UBAP2: variants seen among roughly 807,000 people sequenced by gnomAD.
The protein encoded by UBAP2 is ubiquitin associated protein 2, also known as ubiquitin-associated protein 2.
In UBAP2, 75 loss-of-function variants were observed where a neutral mutation model predicts 139.6. The ratio of observed to expected loss-of-function variants is 0.54; its 90% CI spans 0.45 to 0.65. UBAP2 has a LOEUF of 0.65. UBAP2 is among the 30% of genes least tolerant of loss of function. The pLI is 0.00. For missense variants in UBAP2, 1,368 were observed against 1,369.6 expected, an observed-to-expected ratio of 1.00 and a Z score of 0.02; for synonymous variants, 526 against 526.2, an observed-to-expected ratio of 1.00 and a Z score of 0.01.
At chr9:34,046,924 G>A (rs1444609879) in intron 1 of UBAP2, among the ~76,000 whole-genome samples, 1 of 152,156 alleles carries the variant, frequency 6.6e-6, no homozygotes, top group Non-Finnish European at 1.5e-5. Flanking sequence ...AACCAGGAAA[G>A]GGAAGCAGAG....
At position 33,981,117 on chromosome 9, in the gene UBAP2, TATATATATATATATATATA is replaced by T. The variant is rs1437798117; in HGVS notation, c.520+5624_520+5642del. ...TATATATTCTGGATATATATATATA[TATATATATATATATATATA>T]TTCTGGATATATATATATATATTCT... On this transcript the variant is annotated intron_variant, in intron 6 of 28. Coordinates refer to ENST00000379238, the MANE Select transcript of UBAP2 (RefSeq NM_001370062.2). 2.4e-3 allele frequency among the ~76,000 whole-genome samples: 21 copies of T among 8,586 alleles called. 8 individuals carry two copies. Among genetic ancestry groups the T allele is most frequent in the Non-Finnish European group, 4.6e-3 (16 of 3,450 alleles). The allele number at this position is 8,586 out of a possible 152,430, so 5.6% of individuals were successfully genotyped here. A position where few individuals can be genotyped will look rare whatever the true frequency, so the allele number is the denominator to read the frequency against.
intron 8 of UBAP2, among the ~76,000 whole-genome samples, chr9:33,968,759 G>A (rs1827669315): frequency 6.6e-6 from 1 of 151,932 alleles, no homozygotes; most frequent in Non-Finnish European, 1.5e-5. Context: ...TTCACAATTT[G>A]TGCAATCATC....
chr9:33,948,473 T>C lies in UBAP2; in HGVS notation c.1171A>G (p.Thr391Ala), dbSNP rs1811761529. Residue 391 changes from threonine to alanine, a missense_variant, in exon 13 of 29, where the codon ACC becomes GCC. Thr to Ala is a moderately conservative substitution (Grantham distance 58). Coordinates refer to ENST00000379238, the MANE Select transcript of UBAP2 (RefSeq NM_001370062.2). ...GTACTATTCTGCTGTGTACTTGGGG[T>C]GGTGGTAAACTGGCCCAAACTCGGA... ...KAPSLGQFTT[T>A]PSTQQNSTSH... 1 of 1,613,836 alleles carries C rather than the reference T, an allele frequency of 6.2e-7. No individual in the cohort carries two copies.
chr9:34,003,803 T>A (rs190554722), intron 2 of UBAP2, among the ~76,000 whole-genome samples: 280 of 152,178 alleles, frequency 1.8e-3, no homozygotes, highest in African/African-American at 6.6e-3. Context: ...TACTGCAACC[T>A]CCACTTCCCA....
rs1003763006 is a variant in UBAP2, at chr9:33,936,770, T to G, written c.1930-892A>C. ...TATGCCAGTAAATTAACAACTTAGA[T>G]GAAATGGACAAATTCCTTGACATAC... On this transcript the variant is annotated intron_variant, in intron 16 of 28. Transcript: ENST00000379238. Among the ~76,000 whole-genome samples, 2 of 151,954 alleles carry G rather than the reference T, an allele frequency of 1.3e-5. 1 individual carries two copies. Among genetic ancestry groups the G allele is most frequent in the Admixed American group, 1.3e-4 (2 of 15,228 alleles).
At chr9:33,962,462 A>G (rs377498874) in intron 9 of UBAP2, among the ~76,000 whole-genome samples, 2 of 151,938 alleles carry the variant, frequency 1.3e-5, no homozygotes. Flanking sequence ...CCTGGTCAAT[A>G]TGATGAAACC....
In UBAP2 at chr9:33,996,100, TA is replaced by T; in HGVS notation, c.288+122del. On this transcript the variant is annotated intron_variant, in intron 4 of 28. Coordinates refer to ENST00000379238, the MANE Select transcript of UBAP2 (RefSeq NM_001370062.2). Reference sequence around the variant, plus strand: ...TCAGGTAATCGTTCTTTCTGGAACTTAAAACAAATATGGAATGGCACCATAA... The same window carrying T: ...TCAGGTAATCGTTCTTTCTGGAACTTAAACAAATATGGAATGGCACCATAA... 4.4e-6 allele frequency: 3 copies of T among 679,050 alleles called. No individual in the cohort carries two copies. The South Asian group carries it at 6.1e-5, about 14-fold the overall frequency. The allele number at this position is 679,050 out of a possible 1,614,324, so 42.1% of individuals were successfully genotyped here.
intron 2 of UBAP2, among the ~76,000 whole-genome samples, chr9:34,016,189 GAAT>G (rs1482264353): frequency 8.0e-5 from 5 of 62,190 alleles, no homozygotes; most frequent in Non-Finnish European, 1.4e-4. Context: ...GGAAGAGGAG[GAAT>G]AGAAGGAAGA....
intron 1 of UBAP2, among the ~76,000 whole-genome samples, chr9:34,022,169 CAGG>C (rs1564067475): frequency 2.6e-5 from 4 of 151,786 alleles, no homozygotes; most frequent in African/African-American, 4.8e-5. Flanking sequence ...CGCTTGAAGC[CAGG>C]AGGAGGAGGT....
rs535244482 is a variant in UBAP2, at chr9:33,923,487, G to A, written c.2797-9C>T. On this transcript the variant is annotated splice_polypyrimidine_tract_variant and intron_variant, in intron 24 of 28. Coordinates refer to ENST00000379238, the MANE Select transcript of UBAP2 (RefSeq NM_001370062.2). ...GCTGAGGCTGGAGGGACCTGGGGGG[G>A]CAAGCAGATGAGGTATTAGTGTAGG... The A allele has an allele frequency of 2.3e-5, 37 of 1,613,508 alleles. No individual in the cohort carries two copies. In the African/African-American group the frequency reaches 3.2e-4, roughly 14 times the overall value.
chr9:34,008,251 A>T (rs1823409152), intron 2 of UBAP2, among the ~76,000 whole-genome samples: 1 of 151,654 alleles, frequency 6.6e-6, no homozygotes, highest in Non-Finnish European at 1.5e-5. Context: ...CCAAGAGGCG[A>T]AGGTTGCGGT....
At chr9:33,931,037 C>T (rs1347529388) in intron 19 of UBAP2, among the ~76,000 whole-genome samples, 1 of 151,998 alleles carries the variant, frequency 6.6e-6, no homozygotes, top group African/African-American at 2.4e-5. Flanking sequence ...AAAAACTTTT[C>T]ATTGTCTATC....
At chr9:34,004,556 G>A (rs1823011337) in intron 2 of UBAP2, among the ~76,000 whole-genome samples, 1 of 152,092 alleles carries the variant, frequency 6.6e-6, no homozygotes, top group Admixed American at 6.6e-5. Context: ...GCCAAGGCGG[G>A]TGGATCACGA....
At chr9:33,975,029 C>T (rs1030465349) in intron 6 of UBAP2, among the ~76,000 whole-genome samples, 7 of 152,242 alleles carry the variant, frequency 4.6e-5, no homozygotes, top group African/African-American at 9.6e-5. Context: ...TTAAAAGATA[C>T]TCAGTATTGC....
intron 4 of UBAP2, chr9:33,995,360 AATAAATAAATAT>A (rs1822066559): frequency 6.9e-6 from 1 of 144,046 alleles, no homozygotes; most frequent in Non-Finnish European, 1.5e-5. Context: ...GTCTCAAAAA[AATAAATAAATAT>A]ATAAATATAT....
At chr9:34,035,514 A>AAAAAAAAAAAATATATATATATAT in intron 1 of UBAP2, among the ~76,000 whole-genome samples, 1 of 22,492 alleles carries the variant, frequency 4.4e-5, no homozygotes, top group Non-Finnish European at 9.8e-5. Context: ...AAAAAAAAAA[A>AAAAAAAAAAAATATATATATATAT]ATATATATAT....
At chr9:33,991,528 T>C (rs931531184) in intron 4 of UBAP2, among the ~76,000 whole-genome samples, 2 of 152,122 alleles carry the variant, frequency 1.3e-5, no homozygotes, top group African/African-American at 2.4e-5. Context: ...AAACAGCATA[T>C]AGAATTACAT....
At chr9:33,967,595 A>C (rs1827568880) in intron 8 of UBAP2, among the ~76,000 whole-genome samples, 1 of 152,196 alleles carries the variant, frequency 6.6e-6, no homozygotes, top group African/African-American at 2.4e-5. Flanking sequence ...TATCTGAAAT[A>C]ATGTATTATC....
chr9:33,981,579 C>A (rs1462049432), intron 6 of UBAP2, among the ~76,000 whole-genome samples: 1 of 151,330 alleles, frequency 6.6e-6, no homozygotes, highest in East Asian at 1.9e-4. Flanking sequence ...ATCTTGAACT[C>A]CTGAGCTCAA....
Sources: gnomAD v4.1 joint callset for allele counts (sites outside exome capture counted in the v4.1 genomes callset) on GRCh38, gnomAD v4.1.1 for gene constraint, MANE v1.5 for transcripts, NCBI Gene and HGNC (gene_info 2026-07-23, HGNC 2026-07-21) for gene names.